The following ATXN7L1 variants were observed in gnomAD, a reference collection of about 807,000 sequenced individuals.
The protein encoded by ATXN7L1 is ataxin-7-like protein 1.
In ATXN7L1, 15 loss-of-function variants were observed where a neutral mutation model predicts 70.8. That is an observed-to-expected ratio of 0.21 (90% CI 0.14 to 0.33). The LOEUF is 0.33. Ranked by LOEUF, ATXN7L1 falls within the 10% of genes least tolerant of loss-of-function variation. ATXN7L1 has a pLI of 1.00. For missense variants in ATXN7L1, 975 were observed against 1,097.1 expected, an observed-to-expected ratio of 0.89 and a Z score of 1.57; for synonymous variants, 440 against 445.1, an observed-to-expected ratio of 0.99 and a Z score of 0.14.
chr7:105,774,274 C>G (rs6979461), intron 3 of ATXN7L1, among the ~76,000 whole-genome samples: 69,753 of 151,648 alleles, frequency 0.46, 18,756 homozygotes, highest in African/African-American at 0.74. Context: ...GTTTTTGGAG[C>G]TAGTGTCACT....
chr7:105,664,345 C>G (rs1297742873), intron 4 of ATXN7L1, among the ~76,000 whole-genome samples: 2 of 151,270 alleles, frequency 1.3e-5, no homozygotes, highest in African/African-American at 4.9e-5. Flanking sequence ...TCCCTGTTAC[C>G]CTTTTCTTAG....
intron 2 of ATXN7L1, among the ~76,000 whole-genome samples, chr7:105,829,721 C>T (rs1811338486): frequency 6.6e-6 from 1 of 152,180 alleles, no homozygotes. Context: ...AAGGCTACTT[C>T]CAAAGACAGA....
chr7:105,837,556 C>A (rs367694104), intron 2 of ATXN7L1, among the ~76,000 whole-genome samples: 1 of 152,134 alleles, frequency 6.6e-6, no homozygotes, highest in Non-Finnish European at 1.5e-5. Flanking sequence ...GACCATGACA[C>A]TGCCTCCCAT....
At chr7:105,771,201 G>GATA (rs67884616) in intron 3 of ATXN7L1, among the ~76,000 whole-genome samples, 42,837 of 138,942 alleles carry the variant, frequency 0.31, 6,818 homozygotes, top group Admixed American at 0.36. Flanking sequence ...CTCCGTCTCT[G>GATA]ATAATAATAA....
chr7:105,609,992 C>T lies in ATXN7L1; in HGVS notation c.2547+537G>A, dbSNP rs1164542563. ...TTCACTATATTGGCCAGGCTGGTCT[C>T]GAACTCCTGACCTTGTGATCTACCT... On this transcript the variant is annotated intron_variant, in intron 11 of 11. Transcript: ENST00000419735. Among the ~76,000 whole-genome samples, 6 of 151,858 alleles carry T rather than the reference C, an allele frequency of 4.0e-5. No individual in the cohort carries two copies. The South Asian group carries it at 8.3e-4, about 21-fold the overall frequency.
chr7:105,708,106 C>T (rs933238207), intron 3 of ATXN7L1, among the ~76,000 whole-genome samples: 1 of 152,140 alleles, frequency 6.6e-6, no homozygotes, highest in Admixed American at 6.6e-5. Context: ...AGAGGAAGGA[C>T]GTGCTCTGCT....
At chr7:105,790,806 A>C (rs2010408) in intron 2 of ATXN7L1, among the ~76,000 whole-genome samples, 144,921 of 152,002 alleles carry the variant, frequency 0.95, 69,161 homozygotes, top group East Asian at 0.99. Context: ...GCACCTCCGC[A>C]CTGCCTCCTT....
intron 2 of ATXN7L1, among the ~76,000 whole-genome samples, chr7:105,833,128 C>A (rs972143482): frequency 1.3e-5 from 2 of 152,210 alleles, no homozygotes; most frequent in Admixed American, 6.5e-5. Flanking sequence ...TCTGCCTCCC[C>A]CTCTGACCTC....
At chr7:105,848,463 TTAA>T (rs1418925906) in intron 2 of ATXN7L1, among the ~76,000 whole-genome samples, 1 of 152,232 alleles carries the variant, frequency 6.6e-6, no homozygotes, top group African/African-American at 2.4e-5. Context: ...AATATTATTT[TTAA>T]TAATGAGAAC....
At chr7:105,695,473 C>A (rs538577615) in intron 3 of ATXN7L1, among the ~76,000 whole-genome samples, 1 of 152,142 alleles carries the variant, frequency 6.6e-6, no homozygotes, top group African/African-American at 2.4e-5. Flanking sequence ...GGAAAACAAT[C>A]GTCTTGATCC....
chr7:105,738,811 C>T (rs1361057320), intron 3 of ATXN7L1, among the ~76,000 whole-genome samples: 1 of 152,222 alleles, frequency 6.6e-6, no homozygotes, highest in Non-Finnish European at 1.5e-5. Context: ...GGGTCTGGTG[C>T]ACCTTTGCAT....
intron 4 of ATXN7L1, among the ~76,000 whole-genome samples, chr7:105,643,641 G>A (rs369363589): frequency 2.0e-5 from 3 of 152,248 alleles, no homozygotes; most frequent in Admixed American, 1.3e-4. Context: ...TCAGGCCAGC[G>A]TGCTGCACGG....
rs1176697618 is a variant in ATXN7L1, at chr7:105,619,495, CATATATATAT to C, written c.1517+695_1517+704del. On this transcript the variant is annotated intron_variant, in intron 9 of 11. Transcript: ENST00000419735. ...GTAGTATTAACATCACAAACAGAAG[CATATATATAT>C]ATATATATATATATATATATATATA... Among the ~76,000 whole-genome samples the C allele has an allele frequency of 9.8e-4, 27 of 27,646 alleles. 1 individual carries two copies. Among genetic ancestry groups the C allele is most frequent in the South Asian group, 2.4e-3 (1 of 416 alleles). 18.1% of individuals were successfully genotyped at this position (27,646 alleles called of 152,430 possible).
At chr7:105,766,821 T>C (rs916860320) in intron 3 of ATXN7L1, among the ~76,000 whole-genome samples, 3 of 152,168 alleles carry the variant, frequency 2.0e-5, no homozygotes, top group Admixed American at 1.3e-4. Context: ...AGGCTGGGTG[T>C]ACACCCAGGG....
chr7:105,727,959 A>T (rs1160211919), intron 3 of ATXN7L1, among the ~76,000 whole-genome samples: 1 of 151,254 alleles, frequency 6.6e-6, no homozygotes, highest in East Asian at 1.9e-4. Context: ...ATTAAGAAGG[A>T]CTTTATCTTG....
At chr7:105,792,689 T>C (rs1225377509) in intron 2 of ATXN7L1, among the ~76,000 whole-genome samples, 2 of 152,208 alleles carry the variant, frequency 1.3e-5, no homozygotes, top group Non-Finnish European at 2.9e-5. Flanking sequence ...TCCAATTTCA[T>C]GTTTAGTGTC....
At chr7:105,723,992 G>A (rs1210253868) in intron 3 of ATXN7L1, among the ~76,000 whole-genome samples, 2 of 152,240 alleles carry the variant, frequency 1.3e-5, no homozygotes, top group Non-Finnish European at 2.9e-5. Context: ...CTTCTTTGAT[G>A]TAACGAGGAT....
In ATXN7L1 at chr7:105,807,464, C is replaced by T. The variant is rs79725295; in HGVS notation, c.251-18756G>A. On this transcript the variant is annotated intron_variant, in intron 2 of 11. Transcript: ENST00000419735. ...GGCGAGAACAGGACACACCTTCTGA[C>T]GCGGCACTCCTGGGTAGGCTGTTGC... Among the ~76,000 whole-genome samples, 30 of 152,322 alleles carry T rather than the reference C, an allele frequency of 2.0e-4. No individual in the cohort carries two copies. The East Asian group carries it at 4.6e-3, about 23-fold the overall frequency.
At chr7:105,783,557 C>T (rs1299982472) in intron 3 of ATXN7L1, among the ~76,000 whole-genome samples, 2 of 152,062 alleles carry the variant, frequency 1.3e-5, no homozygotes, top group African/African-American at 4.8e-5. Context: ...ATGCATGGAA[C>T]CTCCAAAAAA....
Sources: gnomAD v4.1 joint callset for allele counts (sites outside exome capture counted in the v4.1 genomes callset) on GRCh38, gnomAD v4.1.1 for gene constraint, MANE v1.5 for transcripts, NCBI Gene and HGNC (gene_info 2026-07-23, HGNC 2026-07-21) for gene names.